DNMT3A: variants seen among roughly 807,000 people sequenced by gnomAD.
DNMT3A encodes DNA methyltransferase 3 alpha, also known as DNA (cytosine-5)-methyltransferase 3A.
DNMT3A carries 267 observed loss-of-function variants against 117.6 expected under a neutral mutation model. The ratio of observed to expected loss-of-function variants is 2.27; its 90% CI spans 2.05 to 2.51. The LOEUF is 2.51. Ranked by LOEUF, DNMT3A falls within the 30% of genes most tolerant of loss-of-function variation. The pLI is 0.00. For synonymous variants in DNMT3A, 432 were observed against 474.8 expected (o/e 0.91, Z 1.17); for missense variants, 1,029 against 1,260.2 (o/e 0.82, Z 2.78).
rs1672981782 is a variant in DNMT3A at position 25,233,332 on chromosome 2, C to T, written c.*947G>A. ...GAACGCGCCATCTGCAAGCTGTCTCCCTTTCTCCATCCTTGGTGAAACCCT... is the reference window on the plus strand; with the variant it reads ...GAACGCGCCATCTGCAAGCTGTCTCTCTTTCTCCATCCTTGGTGAAACCCT... On this transcript the variant is annotated 3_prime_UTR_variant, in exon 23 of 23. Transcript: ENST00000321117. The T allele has an allele frequency of 4.3e-6, 1 of 233,648 alleles. No homozygotes were observed. Among genetic ancestry groups the T allele is most frequent in the South Asian group, 1.8e-4 (1 of 5,530 alleles). 14.5% of individuals were successfully genotyped at this position (233,648 alleles called of 1,614,324 possible).
At chr2:25,299,380 C>G (rs1313745255) in intron 3 of DNMT3A, among the ~76,000 whole-genome samples, 1 of 152,204 alleles carries the variant, frequency 6.6e-6, no homozygotes, top group Admixed American at 6.5e-5. Flanking sequence ...TGCATCTCCC[C>G]CTTCCCATTT....
At chr2:25,279,703 T>G (rs2031739254) in intron 4 of DNMT3A, among the ~76,000 whole-genome samples, 1 of 151,978 alleles carries the variant, frequency 6.6e-6, no homozygotes, top group African/African-American at 2.4e-5. Flanking sequence ...TTGTATTTTT[T>G]TGAGATGGAG....
chr2:25,272,803 C>CTTTTTTTTTTTTTTT lies in DNMT3A; in HGVS notation c.639+2123_639+2137dup, dbSNP rs1217338234. 2.1e-3 allele frequency among the ~76,000 whole-genome samples: 268 copies of CTTTTTTTTTTTTTTT among 130,614 alleles called. 1 individual carries two copies. Among genetic ancestry groups the CTTTTTTTTTTTTTTT allele is most frequent in the African/African-American group, 5.3e-3 (188 of 35,634 alleles). 85.7% of individuals were successfully genotyped at this position (130,614 alleles called of 152,430 possible). ...ACCCCCACCCTGTTCTGCACTTTCT[C>CTTTTTTTTTTTTTTT]TTTTTTTTTTTTTTTTGAGACGGAA... On this transcript the variant is annotated intron_variant, in intron 6 of 22. Transcript: ENST00000321117.
rs914514245 is a variant in DNMT3A, at chr2:25,281,564, G to T, written c.448+877C>A. ...TCAATTTACTCATTTCATCATACAC[G>T]CTTGGAAGGAAGACTTTTTGAAATT... On this transcript the variant is annotated intron_variant, in intron 4 of 22. Transcript: ENST00000321117. This position sits in a 1 kb window ranked among gnomAD's most constrained non-coding sequence, Gnocchi z 4.8. 9.4e-6 allele frequency: 10 copies of T among 1,062,272 alleles called. No individual in the cohort carries two copies. Among genetic ancestry groups the T allele is most frequent in the Non-Finnish European group, 1.1e-5 (10 of 877,498 alleles). 65.8% of individuals were successfully genotyped at this position (1,062,272 alleles called of 1,614,324 possible).
intron 3 of DNMT3A, among the ~76,000 whole-genome samples, chr2:25,290,162 T>G (rs2032639517): frequency 6.6e-6 from 1 of 152,140 alleles, no homozygotes. Context: ...AAAAATTTTT[T>G]TTTTGAGACA....
chr2:25,333,583 G>A lies in DNMT3A; in HGVS notation c.-178+8243C>T, dbSNP rs189851425. On this transcript the variant is annotated intron_variant, in intron 1 of 22. Coordinates refer to ENST00000321117, the MANE Select transcript of DNMT3A (RefSeq NM_022552.5). ...TCACCTCAGATGATCCACCCGCCTC[G>A]GCCTCCCAAAGCGCTGGGATTACAG... Among the ~76,000 whole-genome samples, 24 of 152,158 alleles carry A rather than the reference G, an allele frequency of 1.6e-4. No homozygotes were observed. The East Asian group carries it at 4.5e-3, about 28-fold the overall frequency.
chr2:25,340,518 G>A (rs868608634), intron 1 of DNMT3A, among the ~76,000 whole-genome samples: 17 of 152,008 alleles, frequency 1.1e-4, no homozygotes, highest in African/African-American at 3.6e-4. Context: ...CGCGCCGAAG[G>A]GGAGGGAAGG....
chr2:25,320,311 TAC>T (rs2034543346), intron 1 of DNMT3A, among the ~76,000 whole-genome samples: 1 of 152,192 alleles, frequency 6.6e-6, no homozygotes, highest in Non-Finnish European at 1.5e-5. Flanking sequence ...AAACATCTTT[TAC>T]CTGCTGTGAC....
In DNMT3A at chr2:25,235,958, C is replaced by T. The variant is rs1382191007; in HGVS notation, c.2479-133G>A. On this transcript the variant is annotated intron_variant, in intron 21 of 22. Transcript: ENST00000321117. Reference sequence around the variant, plus strand: ...GGTCCACCCAGGGGGCTGGGTATGGCTCTGAGTGAGCAGAGTTCGCAGGGC... The same window carrying T: ...GGTCCACCCAGGGGGCTGGGTATGGTTCTGAGTGAGCAGAGTTCGCAGGGC... The T allele has an allele frequency of 3.8e-6, 3 of 793,260 alleles. No individual in the cohort carries two copies. The Admixed American group carries it at 6.8e-5, about 18-fold the overall frequency. The allele number at this position is 793,260 out of a possible 1,614,324, so 49.1% of individuals were successfully genotyped here. A position where few individuals can be genotyped will look rare whatever the true frequency, so the allele number is the denominator to read the frequency against.
At chr2:25,264,296 C>T (rs1266778568) in intron 6 of DNMT3A, among the ~76,000 whole-genome samples, 13 of 151,962 alleles carry the variant, frequency 8.6e-5, no homozygotes, top group Admixed American at 3.9e-4. Context: ...TGTGCCACCA[C>T]GCCCAGCTAA....
intron 6 of DNMT3A, chr2:25,249,561 G>C: frequency 7.4e-7 from 1 of 1,355,304 alleles, no homozygotes; most frequent in Non-Finnish European, 1.1e-6. Flanking sequence ...TTACTGAGCA[G>C]GCACTATAGA....
At position 25,300,185 on chromosome 2, in the gene DNMT3A, G is replaced by A. The variant is rs199643287; in HGVS notation, c.131C>T (p.Thr44Met). The change falls in exon 3 of 23, where the codon ACG becomes ATG. Residue 44 changes from threonine (T) to methionine (M), a missense_variant. Physicochemically the swap from Thr to Met is moderately conservative, Grantham distance 81. Coordinates refer to ENST00000321117, the MANE Select transcript of DNMT3A (RefSeq NM_022552.5). ...CCCAGGCCGCCCCACCTTCCGTGCC[G>A]TGGTGCTGGGCTCTTGGCGCTCCTC... ...GKEERQEPST[T>M]ARKVGRPGRK... is the part of the protein sequence containing the mutation. 79 of 1,612,832 alleles carry A rather than the reference G, an allele frequency of 4.9e-5. No individual in the cohort carries two copies. Among genetic ancestry groups the A allele is most frequent in the East Asian group, 2.5e-4 (11 of 44,876 alleles).
rs529182109 is a variant in DNMT3A at position 25,313,060 on chromosome 2, G to A, written c.72+853C>T. ...CCATCATAAGATCCCCTGGAGGGTG[G>A]CAGTGAGTTCACCATTCCACTGACA... is the stretch of plus-strand genomic sequence containing the variant. On this transcript the variant is annotated intron_variant, in intron 2 of 22. Coordinates refer to ENST00000321117, the MANE Select transcript of DNMT3A (RefSeq NM_022552.5). Among the ~76,000 whole-genome samples, 28 of 152,318 alleles carry A rather than the reference G, an allele frequency of 1.8e-4. No individual in the cohort carries two copies. In the South Asian group the frequency reaches 5.6e-3, roughly 30 times the overall value.
chr2:25,302,943 C>A (rs900063643), intron 2 of DNMT3A, among the ~76,000 whole-genome samples: 2 of 152,202 alleles, frequency 1.3e-5, no homozygotes, highest in African/African-American at 4.8e-5. Context: ...AGCAGCCTCT[C>A]GGAGCCTCAG....
At chr2:25,329,259 G>A (rs920175095) in intron 1 of DNMT3A, among the ~76,000 whole-genome samples, 7 of 152,168 alleles carry the variant, frequency 4.6e-5, no homozygotes, top group Non-Finnish European at 8.8e-5. Flanking sequence ...CTCAAACCCT[G>A]GCTCTGTCAC....
In DNMT3A at chr2:25,228,648, AAAAC is replaced by A. The variant is rs973723475; in HGVS notation, c.*5627_*5630del. 5 of 152,376 alleles carry A rather than the reference AAAAC, an allele frequency of 3.3e-5. No individual in the cohort carries two copies. The highest frequency in any genetic ancestry group is 9.6e-5 in the African/African-American group (4 of 41,588). The allele number at this position is 152,376 out of a possible 1,614,324, so 9.4% of individuals were successfully genotyped here. A position where few individuals can be genotyped will look rare whatever the true frequency, so the allele number is the denominator to read the frequency against. Reference sequence around the variant, plus strand: ...CTTTTAAACTCCACTACAAGAAAACAAAACAAACAGTCATTGTCCAGACAGCAGA... The same window carrying A: ...CTTTTAAACTCCACTACAAGAAAACAAAACAGTCATTGTCCAGACAGCAGA... On this transcript the variant is annotated 3_prime_UTR_variant, in exon 23 of 23. Transcript: ENST00000321117.
Position 25,234,536 on chromosome 2 carries a change from C to G in DNMT3A, c.2598-116G>C. The G allele has an allele frequency of 8.1e-7, 1 of 1,229,154 alleles. No homozygotes were observed. The highest frequency in any genetic ancestry group is 2.8e-5 in the Admixed American group (1 of 35,450). The allele number at this position is 1,229,154 out of a possible 1,614,324, so 76.1% of individuals were successfully genotyped here. ...CCAGCAGCCACCCGAAGTGCAGGGA[C>G]AGGGGCACTCACACCCACCAACTCC... On this transcript the variant is annotated intron_variant, in intron 22 of 22. Coordinates refer to ENST00000321117, the MANE Select transcript of DNMT3A (RefSeq NM_022552.5). The surrounding 1 kb of genome is among the most constrained non-coding windows in gnomAD (Gnocchi z 4.5).
At chr2:25,273,785 A>C (rs186851240) in intron 6 of DNMT3A, among the ~76,000 whole-genome samples, 2 of 152,130 alleles carry the variant, frequency 1.3e-5, no homozygotes, top group Non-Finnish European at 2.9e-5. Context: ...CGCCATGGGC[A>C]TGTCTCAGTG....
In DNMT3A at chr2:25,244,579, C is replaced by T. The variant is rs767226511; in HGVS notation, c.1628G>A (p.Gly543Asp). ...GTTTCCGCACATGAGCACCTCACGG[C>T]CCCCACAGCAGATGGTGCAGTAGGA... is the stretch of plus-strand genomic sequence containing the variant. ...YQSYCTICCG[G>D]REVLMCGNNN... Residue 543 changes from glycine (G) to aspartate (D), a missense_variant, in exon 14 of 23, where the codon GGC (glycine) becomes GAC (aspartate). Coordinates refer to ENST00000321117, the MANE Select transcript of DNMT3A (RefSeq NM_022552.5). 2 of 1,614,114 alleles carry T rather than the reference C, an allele frequency of 1.2e-6. No individual in the cohort carries two copies. Among genetic ancestry groups the T allele is most frequent in the Non-Finnish European group, 1.7e-6 (2 of 1,179,964 alleles).
Sources: gnomAD v4.1 joint callset for allele counts (sites outside exome capture counted in the v4.1 genomes callset) on GRCh38, gnomAD v4.1.1 for gene constraint, Gnocchi (gnomAD v3.1) non-coding constraint, MANE v1.5 for transcripts, NCBI Gene and HGNC (gene_info 2026-07-23, HGNC 2026-07-21) for gene names.